HIRA: variants seen among roughly 807,000 people sequenced by gnomAD.
HIRA encodes the protein protein HIRA.
Under a neutral mutation model 126.6 loss-of-function variants are expected in HIRA, and 13 were observed. That is an observed-to-expected ratio of 0.10 (90% CI 0.07 to 0.16). The LOEUF (loss-of-function observed/expected upper bound fraction) is 0.16, where lower values mean the gene tolerates loss of function less well. Among genes scored for constraint, HIRA ranks in the 10% least tolerant of loss-of-function variants. HIRA has a pLI of 1.00. For synonymous variants in HIRA, 511 were observed against 520.0 expected (o/e 0.98, Z 0.24); for missense variants, 834 against 1,314.4 (o/e 0.63, Z 5.65).
rs769614453 is a variant in HIRA at position 19,407,636 on chromosome 22, C to CA, written c.212-363dup. Reference sequence around the variant, plus strand: ...CACATTTCTGAGTAGAGATTATTCTCAAAAAAAGAGTACGTGCTAAAAAGG... The same window carrying CA: ...CACATTTCTGAGTAGAGATTATTCTCAAAAAAAAGAGTACGTGCTAAAAAGG... On this transcript the variant is annotated intron_variant, in intron 3 of 24. Transcript: ENST00000263208. Among the ~76,000 whole-genome samples, 63 of 152,224 alleles carry CA rather than the reference C, an allele frequency of 4.1e-4. 1 individual carries two copies. Among genetic ancestry groups the CA allele is most frequent in the Non-Finnish European group, 5.7e-4 (39 of 68,004 alleles).
At chr22:19,353,205 G>A in intron 23 of HIRA, 151 bp downstream of exon 23, 1 of 862,552 alleles carries the variant, frequency 1.2e-6, no homozygotes, top group Non-Finnish European at 1.8e-6. Flanking sequence ...GGGGCTGGGT[G>A]CCTGCTGAGC....
At position 19,394,529 on chromosome 22, in the gene HIRA, T is replaced by G. The variant is rs2089207401; in HGVS notation, c.655-20A>C. 2.5e-6 allele frequency: 4 copies of G among 1,609,970 alleles called. No individual in the cohort carries two copies. The highest frequency in any genetic ancestry group is 1.3e-5 in the African/African-American group (1 of 74,836). On this transcript the variant is annotated intron_variant, in intron 7 of 24. Transcript: ENST00000263208. ...TCCACACTGAAAGAAGCATCTGCAC[T>G]TGAAAGGAGCTCAAGGCCACCTTTG... is the stretch of plus-strand genomic sequence containing the variant.
chr22:19,353,915 G>T, intron 22 of HIRA, 81 bp downstream of exon 22: 2 of 1,518,158 alleles, frequency 1.3e-6, no homozygotes. Context: ...CCAGGCCTGG[G>T]CAGGGACTGT....
At chr22:19,414,516 T>C (rs1192136710) in intron 1 of HIRA, among the ~76,000 whole-genome samples, 6 of 152,180 alleles carry the variant, frequency 3.9e-5, no homozygotes, top group African/African-American at 1.4e-4. Flanking sequence ...TGATAGTTCA[T>C]TGGGTAGAGC....
intron 24 of HIRA, among the ~76,000 whole-genome samples, chr22:19,339,509 T>A (rs554040178): frequency 1.2e-3 from 184 of 152,176 alleles, no homozygotes; most frequent in African/African-American, 4.2e-3. Context: ...TGGTGACGCA[T>A]GCCTGTAGTC....
chr22:19,331,359 C>A lies in HIRA; in HGVS notation c.*81G>T, dbSNP rs184493564. 8.7e-6 allele frequency: 14 copies of A among 1,604,766 alleles called. No homozygotes were observed. In the Admixed American group the frequency reaches 2.3e-4, roughly 27 times the overall value. On this transcript the variant is annotated 3_prime_UTR_variant, in exon 25 of 25. Transcript: ENST00000263208. ...GTGTCTCCTCCCCCTACAGCCTGGTCAGGTGAGAGGCGGTCCTGCATGTCA... is the reference window on the plus strand; with the variant it reads ...GTGTCTCCTCCCCCTACAGCCTGGTAAGGTGAGAGGCGGTCCTGCATGTCA...
chr22:19,355,832 G>A lies in HIRA; in HGVS notation c.2489C>T (p.Thr830Met), dbSNP rs200432766. ...GTTCATTACTGGGATTCCATGCTGC[G>A]TCAGCAAGATCTGTGATACCGTCAT... ...SDMTVSQILL[T>M]QHGIPVMNLS... Residue 830 changes from threonine to methionine, a missense_variant, in exon 21 of 25, where the codon ACG becomes ATG. Thr to Met is a moderately conservative substitution (Grantham distance 81). This residue lies in a region of HIRA where 468 missense variants were observed against 574.2 expected (regional missense o/e 0.82). Transcript: ENST00000263208. 1.4e-5 allele frequency: 22 copies of A among 1,613,754 alleles called. No homozygotes were observed. The highest frequency in any genetic ancestry group is 4.5e-5 in the East Asian group (2 of 44,896).
intron 24 of HIRA, among the ~76,000 whole-genome samples, chr22:19,348,139 C>T (rs2088708659): frequency 6.6e-6 from 1 of 152,214 alleles, no homozygotes; most frequent in South Asian, 2.1e-4. Context: ...AAACCTCAGT[C>T]CCTGAACGGG....
At chr22:19,371,924 A>G (rs2088969227) in intron 15 of HIRA, among the ~76,000 whole-genome samples, 1 of 152,202 alleles carries the variant, frequency 6.6e-6, no homozygotes, top group African/African-American at 2.4e-5. Context: ...AGATGTGAAC[A>G]TTCATGTATG....
At chr22:19,416,125 A>G (rs974839746) in intron 1 of HIRA, among the ~76,000 whole-genome samples, 1 of 152,204 alleles carries the variant, frequency 6.6e-6, no homozygotes, top group Non-Finnish European at 1.5e-5. Context: ...AGACCATTCA[A>G]TGGGGAAAGA....
At chr22:19,381,532 G>C (rs374709101) in intron 13 of HIRA, among the ~76,000 whole-genome samples, 3 of 152,086 alleles carry the variant, frequency 2.0e-5, no homozygotes, top group Non-Finnish European at 4.4e-5. Flanking sequence ...GCATCGATGA[G>C]AGATCATATA....
chr22:19,394,817 T>G (rs1452533234), intron 7 of HIRA, among the ~76,000 whole-genome samples: 1 of 152,224 alleles, frequency 6.6e-6, no homozygotes, highest in African/African-American at 2.4e-5. Flanking sequence ...AGCCTCTGCA[T>G]GGGCCAAATC....
chr22:19,391,609 T>G (rs1319831366), intron 9 of HIRA, among the ~76,000 whole-genome samples: 2 of 151,538 alleles, frequency 1.3e-5, no homozygotes, highest in Non-Finnish European at 2.9e-5. Flanking sequence ...GCCTCCCGAG[T>G]AGCTGGGACT....
chr22:19,332,917 A>G (rs960905409), intron 24 of HIRA, among the ~76,000 whole-genome samples: 2 of 152,186 alleles, frequency 1.3e-5, no homozygotes, highest in Non-Finnish European at 2.9e-5. Context: ...TTTATTTTAT[A>G]TATTTTTTTG....
intron 13 of HIRA, among the ~76,000 whole-genome samples, chr22:19,382,767 CTTTCTTTTTT>C (rs922236874): frequency 1.0e-3 from 136 of 134,292 alleles, no homozygotes; most frequent in African/African-American, 4.1e-3. Context: ...TATCATTTTT[CTTTCTTTTTT>C]TTTTTTTTTT....
chr22:19,371,718 T>C (rs1259815977), intron 15 of HIRA, among the ~76,000 whole-genome samples: 3 of 152,242 alleles, frequency 2.0e-5, no homozygotes, highest in Non-Finnish European at 2.9e-5. Context: ...AATGGAATCA[T>C]ACAACCTATG....
intron 14 of HIRA, among the ~76,000 whole-genome samples, chr22:19,376,934 T>C (rs540258851): frequency 1.3e-5 from 2 of 152,302 alleles, no homozygotes; most frequent in South Asian, 2.1e-4. Flanking sequence ...ACAGAGTCAC[T>C]TTCCTAAAAT....
chr22:19,397,066 C>G lies in HIRA; in HGVS notation c.494-119G>C, dbSNP rs11914109. The G allele has an allele frequency of 0.077, 65,339 of 844,118 alleles. 2,821 individuals are homozygous for G. Among genetic ancestry groups the G allele is most frequent in the Middle Eastern group, 0.12 (493 of 4,150 alleles). 52.3% of individuals were successfully genotyped at this position (844,118 alleles called of 1,614,324 possible). A position where few individuals can be genotyped will look rare whatever the true frequency, so the allele number is the denominator to read the frequency against. On this transcript the variant is annotated intron_variant, in intron 6 of 24. Transcript: ENST00000263208. ...TCAGCAGTCTGCCATGGCCAGCCCC[C>G]ACACCAGACAGAAGCAGAAGGGCCT...
chr22:19,387,457 A>G (rs987458587), intron 11 of HIRA, among the ~76,000 whole-genome samples: 1 of 152,194 alleles, frequency 6.6e-6, no homozygotes, highest in Non-Finnish European at 1.5e-5. Context: ...ATGGCCTATT[A>G]TCAGCTCAAA....
Sources: allele counts gnomAD v4.1 joint callset (sites outside exome capture counted in the v4.1 genomes callset), GRCh38; gene constraint gnomAD v4.1.1; regional missense constraint gnomAD v4.1.1; transcripts MANE v1.5; gene names NCBI Gene and HGNC (gene_info 2026-07-23, HGNC 2026-07-21).